GCA: variants seen among roughly 807,000 people sequenced by gnomAD.
GCA encodes the protein grancalcin, EF-hand calcium-binding protein.
In GCA, 30 loss-of-function variants were observed where a neutral mutation model predicts 32.6. The observed-to-expected ratio is 0.92, with a 90% CI of 0.69 to 1.25. The LOEUF (loss-of-function observed/expected upper bound fraction) is 1.25. Among genes scored for constraint, GCA ranks in the 50% most tolerant of loss-of-function variants. GCA has a pLI of 0.00. For missense variants in GCA, 291 were observed against 266.8 expected, an observed-to-expected ratio of 1.09 and a Z score of -0.63; for synonymous variants, 102 against 84.6, an observed-to-expected ratio of 1.21 and a Z score of -1.13.
chr2:162,344,324 G>A, intron 1 of GCA, 49 bp downstream of exon 1: 1 of 1,584,366 alleles, frequency 6.3e-7, no homozygotes, highest in Non-Finnish European at 8.7e-7. Flanking sequence ...GGGGTGTGGC[G>A]CCCCCGGGGG....
At chr2:162,373,976 C>T (rs997500615), downstream of GCA, among the ~76,000 whole-genome samples, 1 of 152,100 alleles carries the variant, frequency 6.6e-6, no homozygotes, top group African/African-American at 2.4e-5. Flanking sequence ...TATTTTTAAT[C>T]AGTAATTGTC....
intron 1 of GCA, among the ~76,000 whole-genome samples, chr2:162,329,247 C>G (rs1401269619): frequency 6.6e-6 from 1 of 152,120 alleles, no homozygotes. Flanking sequence ...CTACTTAACA[C>G]TTTCCTATCA....
chr2:162,363,997 TGTAACATCAGAGATG>T (rs1685674821), downstream of GCA, among the ~76,000 whole-genome samples: 1 of 151,478 alleles, frequency 6.6e-6, no homozygotes, highest in African/African-American at 2.4e-5. Flanking sequence ...GTGCCCCTTC[TGTAACATCAGAGATG>T]GTGGCAATTT....
upstream of GCA, chr2:162,319,033 A>T (rs11896598): frequency 1.9e-3 from 794 of 408,074 alleles, 8 homozygotes; most frequent in African/African-American, 0.015. Flanking sequence ...GGACGTGAAC[A>T]GGGAGTTACC....
upstream of GCA, among the ~76,000 whole-genome samples, chr2:162,342,186 T>TAG (rs1265622543): frequency 1.3e-5 from 2 of 152,156 alleles, no homozygotes; most frequent in African/African-American, 4.8e-5. Flanking sequence ...ACACTAGTTT[T>TAG]AGAGAGAGAG....
At chr2:162,371,628 G>A, downstream of GCA, 1 of 788,372 alleles carries the variant, frequency 1.3e-6, no homozygotes, top group South Asian at 2.5e-5. Flanking sequence ...TTTAACATTT[G>A]GAACCAAAAG....
intron 7 of GCA, 135 bp downstream of exon 7, chr2:162,359,687 G>A: frequency 2.3e-6 from 1 of 437,570 alleles, no homozygotes; most frequent in Admixed American, 4.0e-5. Flanking sequence ...ATTTTTCAGT[G>A]TAACACAAAT....
intron 1 of GCA, among the ~76,000 whole-genome samples, chr2:162,328,585 G>T (rs1576258892): frequency 6.6e-6 from 1 of 152,112 alleles, no homozygotes; most frequent in South Asian, 2.1e-4. Flanking sequence ...AGGCTGTGGG[G>T]CTCCGACCTC....
At chr2:162,321,034 G>T (rs1174498219) in intron 1 of GCA, among the ~76,000 whole-genome samples, 2 of 152,156 alleles carry the variant, frequency 1.3e-5, no homozygotes, top group Non-Finnish European at 2.9e-5. Flanking sequence ...GAGTGATGAG[G>T]ATTAGGTGTG....
Position 162,362,236 on chromosome 2 carries a change from A to C in GCA, c.*1993A>C, listed in dbSNP as rs1685602599. 1 of 984,476 alleles carries C rather than the reference A, an allele frequency of 1.0e-6. No individual in the cohort carries two copies. Among genetic ancestry groups the C allele is most frequent in the African/African-American group, 1.8e-5 (1 of 57,116 alleles). 61.0% of individuals were successfully genotyped at this position (984,476 alleles called of 1,614,324 possible). A position where few individuals can be genotyped will look rare whatever the true frequency, so the allele number is the denominator to read the frequency against. On this transcript the variant is annotated 3_prime_UTR_variant, in exon 8 of 8. Coordinates refer to ENST00000437150, the MANE Select transcript of GCA (RefSeq NM_012198.5). Reference sequence around the variant, plus strand: ...AATTTTATTTGACCCAGTTTTTTCCAAACTTTTTGACCACAGAACCCCTTT... The same window carrying C: ...AATTTTATTTGACCCAGTTTTTTCCCAACTTTTTGACCACAGAACCCCTTT...
At chr2:162,357,120 T>C in intron 5 of GCA, 1 of 424,482 alleles carries the variant, frequency 2.4e-6, no homozygotes, top group South Asian at 4.6e-5. Flanking sequence ...CTTCCATACA[T>C]GCATACATTC....
chr2:162,372,743 C>T (rs1558912130), downstream of GCA, among the ~76,000 whole-genome samples: 1 of 152,028 alleles, frequency 6.6e-6, no homozygotes, highest in Non-Finnish European at 1.5e-5. Flanking sequence ...TTATTTAAAT[C>T]ATTGTTCTTA....
intron 1 of GCA, among the ~76,000 whole-genome samples, chr2:162,332,372 A>C (rs1684127644): frequency 6.8e-6 from 1 of 146,910 alleles, no homozygotes; most frequent in Admixed American, 6.8e-5. Context: ...TATATGATAT[A>C]TAAATTATAT....
chr2:162,345,846 C>T (rs551362653), intron 1 of GCA, among the ~76,000 whole-genome samples: 14 of 152,056 alleles, frequency 9.2e-5, no homozygotes, highest in Non-Finnish European at 1.6e-4. Context: ...ATAGTTGAGA[C>T]GTTTATAAAT....
At chr2:162,359,612 A>G in intron 7 of GCA, 60 bp downstream of exon 7, 1 of 789,006 alleles carries the variant, frequency 1.3e-6, no homozygotes, top group Non-Finnish European at 2.1e-6. Flanking sequence ...TTAGTAAAAA[A>G]ATTTAAGTGA....
intron 1 of GCA, among the ~76,000 whole-genome samples, chr2:162,332,597 C>T (rs895532927): frequency 1.3e-5 from 2 of 151,978 alleles, no homozygotes; most frequent in Non-Finnish European, 1.5e-5. Context: ...TAACAAGGCC[C>T]ATAGCAGGGC....
chr2:162,343,230 G>T (rs902207226), upstream of GCA, among the ~76,000 whole-genome samples: 1 of 152,062 alleles, frequency 6.6e-6, no homozygotes, highest in African/African-American at 2.4e-5. Context: ...TTTTTCATTT[G>T]TTCATAAGCC....
rs1558891932 is a variant in GCA, at chr2:162,344,168, T to TGCACCTGCGCCTCCC, written c.-81_-80insGCACCTGCGCCTCCC. The TGCACCTGCGCCTCCC allele has an allele frequency of 2.8e-5, 42 of 1,488,698 alleles. No homozygotes were observed. In the African/African-American group the frequency reaches 5.4e-4, roughly 19 times the overall value. 92.2% of individuals were successfully genotyped at this position (1,488,698 alleles called of 1,614,324 possible). ...CAGCCTCACCTGCAGCTGCGCCTCC[T>TGCACCTGCGCCTCCC]TGCACCTGCGCCTGTGCTTTTTCTC... is the stretch of plus-strand genomic sequence containing the variant. On this transcript the variant is annotated 5_prime_UTR_variant, in exon 1 of 8. Transcript: ENST00000437150.
chr2:162,341,622 C>G (rs142162210), upstream of GCA, among the ~76,000 whole-genome samples: 3 of 152,214 alleles, frequency 2.0e-5, no homozygotes, highest in Non-Finnish European at 4.4e-5. Context: ...TTGGTCAAAA[C>G]AATGTGTTTC....
Sources: allele counts gnomAD v4.1 joint callset (sites outside exome capture counted in the v4.1 genomes callset), GRCh38; gene constraint gnomAD v4.1.1; transcripts MANE v1.5; gene names NCBI Gene and HGNC (gene_info 2026-07-23, HGNC 2026-07-21).